Variants in CDKN2B-AS1 observed in about 807,000 individuals in gnomAD.
CDKN2B-AS1 encodes CDKN2B antisense RNA 1 (non-protein coding).
intron 4 of CDKN2B-AS1, among the ~76,000 whole-genome samples, chr9:22,059,849 C>T (rs569798691): frequency 1.4e-4 from 21 of 152,354 alleles, no homozygotes; most frequent in East Asian, 3.9e-4. Flanking sequence ...GTCAACACCA[C>T]GTGGAAGCTG....
chr9:22,029,361 T>A (rs973954966), intron 1 of CDKN2B-AS1: 101 of 763,740 alleles, frequency 1.3e-4, no homozygotes, highest in Non-Finnish European at 2.2e-4. Context: ...GGATTCCTGA[T>A]GGAATGTTTA....
intron 4 of CDKN2B-AS1, among the ~76,000 whole-genome samples, chr9:22,073,537 A>G (rs1267649647): frequency 6.6e-6 from 1 of 152,100 alleles, no homozygotes; most frequent in Non-Finnish European, 1.5e-5. Context: ...TATGGGTGTA[A>G]TTTTCTGTTA....
chr9:22,036,514 A>G (rs1203622845), intron 1 of CDKN2B-AS1, among the ~76,000 whole-genome samples: 4 of 152,052 alleles, frequency 2.6e-5, no homozygotes, highest in Non-Finnish European at 5.9e-5. Flanking sequence ...TGCTTTTTTC[A>G]CTTCTATGCA....
At chr9:22,074,483 A>G (rs1268424626) in intron 4 of CDKN2B-AS1, among the ~76,000 whole-genome samples, 1 of 152,208 alleles carries the variant, frequency 6.6e-6, no homozygotes, top group Non-Finnish European at 1.5e-5. Context: ...GTCACTCTCG[A>G]ATACATAACA....
intron 3 of CDKN2B-AS1, among the ~76,000 whole-genome samples, chr9:22,053,928 C>T (rs1267763535): frequency 6.7e-6 from 1 of 148,150 alleles, no homozygotes; most frequent in African/African-American, 2.5e-5. Context: ...AGCAAAAAAG[C>T]ACAGGCTTTG....
intron 1 of CDKN2B-AS1, among the ~76,000 whole-genome samples, chr9:22,028,871 A>G (rs1822349058): frequency 6.6e-6 from 1 of 152,214 alleles, no homozygotes; most frequent in Non-Finnish European, 1.5e-5. Flanking sequence ...TTACTAAAGT[A>G]TAATTGTAAC....
At chr9:22,093,130 G>A (rs1019040299) in intron 4 of CDKN2B-AS1, among the ~76,000 whole-genome samples, 10 of 150,460 alleles carry the variant, frequency 6.6e-5, no homozygotes, top group Non-Finnish European at 1.0e-4. Context: ...GTAGGTGAGC[G>A]GTTTTGAGTG....
At chr9:22,079,173 G>A (rs927000549) in intron 4 of CDKN2B-AS1, among the ~76,000 whole-genome samples, 3 of 152,144 alleles carry the variant, frequency 2.0e-5, no homozygotes, top group African/African-American at 7.2e-5. Flanking sequence ...TTTCATTGGA[G>A]GCTGGAAAGG....
intron 1 of CDKN2B-AS1, chr9:22,009,055 C>T (rs964354962): frequency 5.1e-6 from 8 of 1,557,250 alleles, no homozygotes; most frequent in African/African-American, 2.7e-5. Context: ...CGCACTCTCT[C>T]CTTCCTAGGA....
At chr9:22,067,555 C>CGCATGCACACACACAT (rs1824107506) in intron 4 of CDKN2B-AS1, among the ~76,000 whole-genome samples, 1 of 151,444 alleles carries the variant, frequency 6.6e-6, no homozygotes, top group Non-Finnish European at 1.5e-5. Flanking sequence ...CACACACACA[C>CGCATGCACACACACAT]GCACGCACAC....
At chr9:22,123,209 C>T (rs901846511) in intron 4 of CDKN2B-AS1, among the ~76,000 whole-genome samples, 9 of 152,088 alleles carry the variant, frequency 5.9e-5, no homozygotes, top group Non-Finnish European at 1.3e-4. Context: ...ATATCGTATT[C>T]TGCAACTTTA....
intron 1 of CDKN2B-AS1, among the ~76,000 whole-genome samples, chr9:22,020,667 A>T (rs1821978569): frequency 6.6e-6 from 1 of 152,170 alleles, no homozygotes; most frequent in Admixed American, 6.5e-5. Context: ...TGTTAGCCAC[A>T]TGTATGTCTT....
At chr9:22,105,004 T>A (rs1244018501) in intron 4 of CDKN2B-AS1, among the ~76,000 whole-genome samples, 1 of 152,192 alleles carries the variant, frequency 6.6e-6, no homozygotes, top group Non-Finnish European at 1.5e-5. Flanking sequence ...TCTCACAGCC[T>A]GGAAGGAGTC....
At chr9:22,084,906 G>A (rs1352139632) in intron 4 of CDKN2B-AS1, among the ~76,000 whole-genome samples, 1 of 152,120 alleles carries the variant, frequency 6.6e-6, no homozygotes, top group Non-Finnish European at 1.5e-5. Flanking sequence ...GGAATCATCT[G>A]AGCCAGCAGC....
intron 4 of CDKN2B-AS1, among the ~76,000 whole-genome samples, chr9:22,099,699 A>G (rs540193414): frequency 6.6e-6 from 1 of 152,232 alleles, no homozygotes; most frequent in South Asian, 2.1e-4. Flanking sequence ...GTAAAGAGGG[A>G]AAAGATTTGA....
chr9:22,087,242 G>A (rs1450178513), intron 4 of CDKN2B-AS1, among the ~76,000 whole-genome samples: 1 of 152,212 alleles, frequency 6.6e-6, no homozygotes, highest in Non-Finnish European at 1.5e-5. Flanking sequence ...CCAAAAAGTT[G>A]TGGTTTATAC....
At chr9:22,103,006 G>A (rs1825535962) in intron 4 of CDKN2B-AS1, among the ~76,000 whole-genome samples, 1 of 152,134 alleles carries the variant, frequency 6.6e-6, no homozygotes, top group South Asian at 2.1e-4. Flanking sequence ...AGAAATGTGG[G>A]AAAATTGAGG....
intron 4 of CDKN2B-AS1, chr9:22,119,112 C>T (rs955825827): frequency 7.3e-5 from 11 of 151,426 alleles, no homozygotes; most frequent in African/African-American, 2.7e-4. Flanking sequence ...GCCTCAGTTT[C>T]CTCATTCAAT....
At position 22,033,958 on chromosome 9, in the gene CDKN2B-AS1, G is replaced by T. The variant is rs531219669; in HGVS notation, n.30-12793G>T. On this transcript the variant is annotated intron_variant and non_coding_transcript_variant, in intron 1 of 4. Coordinates refer to ENST00000650946, the Ensembl canonical transcript of CDKN2B-AS1. ...TGACTTGCTTAAGATTATACAAGTA[G>T]TAGGTGGCTACAGCAGGGTTTGAAC... Among the ~76,000 whole-genome samples the T allele has an allele frequency of 2.0e-3, 302 of 152,310 alleles. 1 individual carries two copies. The highest frequency in any genetic ancestry group is 7.0e-3 in the African/African-American group (290 of 41,574).
Sources: gnomAD v4.1 joint callset for allele counts (sites outside exome capture counted in the v4.1 genomes callset) on GRCh38, gnomAD v4.1.1 for gene constraint, MANE v1.5 for transcripts, NCBI Gene and HGNC (gene_info 2026-07-23, HGNC 2026-07-21) for gene names.